The following GNG2 variants were observed in gnomAD, a reference collection of about 807,000 sequenced individuals.
The protein encoded by GNG2 is guanine nucleotide-binding protein G(I)/G(S)/G(O) subunit gamma-2.
In GNG2, 5 loss-of-function variants were observed where a neutral mutation model predicts 5.5. The ratio of observed to expected loss-of-function variants is 0.91; its 90% CI spans 0.48 to 1.92. The LOEUF (loss-of-function observed/expected upper bound fraction) is 1.92, where lower values mean the gene tolerates loss of function less well. Ranked by LOEUF, GNG2 falls within the 30% of genes most tolerant of loss-of-function variation. The pLI is 0.01. For synonymous variants in GNG2, 28 were observed against 32.0 expected (o/e 0.88, Z 0.42); for missense variants, 55 against 88.4 (o/e 0.62, Z 1.52).
intron 3 of GNG2, among the ~76,000 whole-genome samples, chr14:51,954,363 C>A (rs985954022): frequency 1.3e-5 from 2 of 152,000 alleles, no homozygotes; most frequent in African/African-American, 4.8e-5. Flanking sequence ...GACTGTGACA[C>A]CTGGATGAAT....
intron 2 of GNG2, among the ~76,000 whole-genome samples, chr14:51,889,683 C>A (rs188822050): frequency 3.3e-5 from 5 of 152,218 alleles, no homozygotes; most frequent in Admixed American, 2.0e-4. Context: ...TTGTACTGCA[C>A]CTATATTTCC....
chr14:51,949,747 T>C (rs913240460), intron 2 of GNG2, among the ~76,000 whole-genome samples: 1 of 152,114 alleles, frequency 6.6e-6, no homozygotes, highest in Non-Finnish European at 1.5e-5. Context: ...TTGTTCAGAA[T>C]GTGGGGGAAG....
intron 2 of GNG2, among the ~76,000 whole-genome samples, chr14:51,831,205 C>A (rs1237022988): frequency 1.3e-5 from 2 of 150,358 alleles, no homozygotes; most frequent in Non-Finnish European, 3.0e-5. Context: ...TTACTATAAA[C>A]CTCCTCCTCC....
intron 2 of GNG2, among the ~76,000 whole-genome samples, chr14:51,880,167 A>C (rs373963452): frequency 2.0e-5 from 3 of 152,294 alleles, no homozygotes; most frequent in East Asian, 3.9e-4. Flanking sequence ...ACTTTTGGGT[A>C]CTATAGGTAT....
intron 2 of GNG2, among the ~76,000 whole-genome samples, chr14:51,837,260 GA>G (rs1476103131): frequency 1.3e-5 from 2 of 152,208 alleles, no homozygotes; most frequent in Non-Finnish European, 2.9e-5. Context: ...GATATAGGGA[GA>G]AAAAAAGTTG....
At chr14:51,913,008 G>A (rs1886384266) in intron 2 of GNG2, 1 of 152,150 alleles carries the variant, frequency 6.6e-6, no homozygotes, top group Admixed American at 6.5e-5. Flanking sequence ...TGCTTTCAAA[G>A]GGATGATACT....
chr14:51,937,636 T>TTTTA (rs1888090699), intron 2 of GNG2, among the ~76,000 whole-genome samples: 1 of 118,460 alleles, frequency 8.4e-6, no homozygotes, highest in East Asian at 5.6e-4. Context: ...TTTTTTTTTT[T>TTTTA]TTATTATACT....
intron 2 of GNG2, among the ~76,000 whole-genome samples, chr14:51,909,474 T>C (rs2140198317): frequency 6.6e-6 from 1 of 152,342 alleles, no homozygotes; most frequent in Non-Finnish European, 1.5e-5. Flanking sequence ...AAAATCAGCC[T>C]CATTTGACTT....
At chr14:51,938,772 C>T (rs968805265) in intron 2 of GNG2, among the ~76,000 whole-genome samples, 4 of 152,166 alleles carry the variant, frequency 2.6e-5, no homozygotes, top group Non-Finnish European at 5.9e-5. Context: ...CAAAGGATTT[C>T]TCATGTTATG....
At chr14:51,856,515 C>T (rs940749664), upstream of GNG2, among the ~76,000 whole-genome samples, 8 of 152,138 alleles carry the variant, frequency 5.3e-5, no homozygotes, top group East Asian at 1.9e-4. Flanking sequence ...TCACTGCAAC[C>T]TCTGCCTCCT....
chr14:51,924,169 T>G (rs112717448), intron 2 of GNG2, among the ~76,000 whole-genome samples: 48 of 152,318 alleles, frequency 3.2e-4, no homozygotes, highest in African/African-American at 1.2e-3. Flanking sequence ...CTTAACAGTT[T>G]TGTAGACTAG....
chr14:51,943,172 G>A (rs1213763246), intron 2 of GNG2, among the ~76,000 whole-genome samples: 3 of 152,200 alleles, frequency 2.0e-5, no homozygotes, highest in Non-Finnish European at 2.9e-5. Context: ...AAGTCACAGT[G>A]CATCACCAAA....
At chr14:51,893,016 A>G (rs1220564250) in intron 2 of GNG2, among the ~76,000 whole-genome samples, 1 of 152,206 alleles carries the variant, frequency 6.6e-6, no homozygotes, top group African/African-American at 2.4e-5. Context: ...TGATTATATC[A>G]TCTTCACTCC....
At chr14:51,839,678 A>T (rs2140076109) in intron 2 of GNG2, among the ~76,000 whole-genome samples, 1 of 152,282 alleles carries the variant, frequency 6.6e-6, no homozygotes, top group East Asian at 1.9e-4. Flanking sequence ...GCTGTTCTAT[A>T]TCTTGATCGT....
intron 3 of GNG2, among the ~76,000 whole-genome samples, chr14:51,958,568 G>A (rs1022827411): frequency 2.7e-5 from 4 of 150,844 alleles, no homozygotes; most frequent in African/African-American, 9.8e-5. Flanking sequence ...TTCCGTATTT[G>A]TAACTCCCTT....
At chr14:51,855,472 C>T (rs754598666), upstream of GNG2, among the ~76,000 whole-genome samples, 3 of 152,202 alleles carry the variant, frequency 2.0e-5, no homozygotes, top group Non-Finnish European at 4.4e-5. Context: ...CTGTGACACA[C>T]AGATCAGATC....
chr14:51,957,024 C>T (rs1170196039), intron 3 of GNG2, among the ~76,000 whole-genome samples: 1 of 152,016 alleles, frequency 6.6e-6, no homozygotes, highest in African/African-American at 2.4e-5. Flanking sequence ...CCGCCACCCC[C>T]ACAACTCCTT....
chr14:51,880,769 C>T (rs73292970), intron 2 of GNG2, among the ~76,000 whole-genome samples: 2,086 of 152,002 alleles, frequency 0.014, 54 homozygotes, highest in African/African-American at 0.048. Flanking sequence ...GTTGGTCACT[C>T]CAGATGTCTA....
chr14:51,953,344 C>G (rs139248007), intron 3 of GNG2, among the ~76,000 whole-genome samples: 23 of 152,206 alleles, frequency 1.5e-4, no homozygotes, highest in African/African-American at 4.8e-4. Context: ...AAATCCCTGA[C>G]CTAGTTGAAG....
Sources: gnomAD v4.1 joint callset for allele counts (sites outside exome capture counted in the v4.1 genomes callset) on GRCh38, gnomAD v4.1.1 for gene constraint, MANE v1.5 for transcripts, NCBI Gene and HGNC (gene_info 2026-07-23, HGNC 2026-07-21) for gene names.